Variants in PLEKHA5 observed in about 807,000 individuals in gnomAD.
The protein encoded by PLEKHA5 is pleckstrin homology domain-containing family A member 5.
Under a neutral mutation model 181.9 loss-of-function variants are expected in PLEKHA5, and 55 were observed. The observed-to-expected ratio is 0.30, with a 90% CI of 0.24 to 0.38. PLEKHA5 has a LOEUF of 0.38. Among genes scored for constraint, PLEKHA5 ranks in the 10% least tolerant of loss-of-function variants. The probability of loss-of-function intolerance (pLI) is 1.00; values close to 1 mark genes in which losing one functional copy is unlikely to be tolerated. For synonymous variants in PLEKHA5, 535 were observed against 529.4 expected, an observed-to-expected ratio of 1.01 and a Z score of -0.15; for missense variants, 1,432 against 1,549.5, an observed-to-expected ratio of 0.92 and a Z score of 1.27.
intron 8 of PLEKHA5, 92 bp downstream of exon 8, chr12:19,265,942 T>C: frequency 1.7e-6 from 1 of 571,756 alleles, no homozygotes; most frequent in Non-Finnish European, 3.1e-6. Context: ...AAAAGCTACC[T>C]TATAGTGATT....
At chr12:19,292,925 C>T (rs1024675764) in intron 15 of PLEKHA5, among the ~76,000 whole-genome samples, 7 of 151,858 alleles carry the variant, frequency 4.6e-5, no homozygotes, top group Non-Finnish European at 7.4e-5. Context: ...GGTAACAGAG[C>T]GAGACTCTAT....
intron 8 of PLEKHA5, 70 bp from the exon 9 acceptor site, chr12:19,269,696 CACTT>C (rs2071977347): frequency 1.5e-6 from 1 of 679,032 alleles, no homozygotes; most frequent in East Asian, 2.8e-5. Flanking sequence ...TGTCAGGAAT[CACTT>C]ACCTTTTTTT....
intron 20 of PLEKHA5, among the ~76,000 whole-genome samples, chr12:19,325,464 C>T (rs950768492): frequency 1.3e-5 from 2 of 151,648 alleles, no homozygotes; most frequent in South Asian, 2.1e-4. Context: ...CCGAGACGGG[C>T]GGATCACAAG....
rs549167702 is a variant in PLEKHA5 at position 19,228,594 on chromosome 12, G to A, written c.228-25346G>A. On this transcript the variant is annotated intron_variant, in intron 3 of 31. Coordinates refer to ENST00000429027, the MANE Select transcript of PLEKHA5 (RefSeq NM_001256470.2). Reference sequence around the variant, plus strand: ...ATGTTATTAGACCCATTCTAGAGATGAAGGAAGAACTGAGGCACAGAGACG... The same window carrying A: ...ATGTTATTAGACCCATTCTAGAGATAAAGGAAGAACTGAGGCACAGAGACG... Among the ~76,000 whole-genome samples the A allele has an allele frequency of 3.9e-5, 6 of 152,284 alleles. No homozygotes were observed. In the East Asian group the frequency reaches 1.2e-3, roughly 29 times the overall value.
rs2053863443 is a variant in PLEKHA5, at chr12:19,200,179, C to A, written c.228-53761C>A. The stretch of plus-strand genomic sequence containing the variant: ...ATGATTAGTACTTGAGGTGATGGAT[C>A]CCCTCAAATAACCTAACTTGATCAT... On this transcript the variant is annotated intron_variant, in intron 3 of 31. Transcript: ENST00000429027. 1.4e-5 allele frequency: 8 copies of A among 573,342 alleles called. No individual in the cohort carries two copies. The East Asian group carries it at 2.0e-4, about 14-fold the overall frequency. 35.5% of individuals were successfully genotyped at this position (573,342 alleles called of 1,614,324 possible).
At chr12:19,241,602 C>G (rs1452744028) in intron 3 of PLEKHA5, among the ~76,000 whole-genome samples, 1 of 151,942 alleles carries the variant, frequency 6.6e-6, no homozygotes, top group Non-Finnish European at 1.5e-5. Context: ...ACTAAAAATA[C>G]ACAGATTAGC....
intron 3 of PLEKHA5, among the ~76,000 whole-genome samples, chr12:19,173,269 C>T (rs1002786994): frequency 4.6e-5 from 7 of 150,792 alleles, no homozygotes; most frequent in African/African-American, 9.7e-5. Context: ...ATGATCCACC[C>T]GCCTCGGCCT....
chr12:19,358,199 G>C (rs1329341935), intron 26 of PLEKHA5, 29 bp from the exon 27 acceptor site: 1 of 1,442,198 alleles, frequency 6.9e-7, no homozygotes, highest in Admixed American at 1.7e-5. Flanking sequence ...TTTCATTTAT[G>C]TATTGATATG....
chr12:19,316,389 G>C (rs1192663628), intron 16 of PLEKHA5, among the ~76,000 whole-genome samples: 2 of 151,826 alleles, frequency 1.3e-5, no homozygotes, highest in African/African-American at 2.4e-5. Context: ...TTCTAATTGG[G>C]GTTTTCCCAA....
chr12:19,141,855 G>C (rs1269170682), intron 3 of PLEKHA5, among the ~76,000 whole-genome samples: 1 of 152,188 alleles, frequency 6.6e-6, no homozygotes, highest in Non-Finnish European at 1.5e-5. Flanking sequence ...CACTTGAAGA[G>C]TAATTCCCAA....
At chr12:19,156,712 T>C (rs1156837841) in intron 3 of PLEKHA5, among the ~76,000 whole-genome samples, 2 of 151,848 alleles carry the variant, frequency 1.3e-5, no homozygotes, top group African/African-American at 4.8e-5. Context: ...TGCATGCATT[T>C]AGGTTAAGCA....
chr12:19,182,333 G>C (rs1214977116), intron 3 of PLEKHA5, among the ~76,000 whole-genome samples: 1 of 151,992 alleles, frequency 6.6e-6, no homozygotes, highest in Admixed American at 6.6e-5. Flanking sequence ...TGGCATTTTT[G>C]ATGTTTTGAT....
chr12:19,153,502 C>T (rs182781549), intron 3 of PLEKHA5: 3 of 152,022 alleles, frequency 2.0e-5, no homozygotes, highest in African/African-American at 7.2e-5. Flanking sequence ...GTATAAAGTT[C>T]TCTGTTACGC....
intron 15 of PLEKHA5, among the ~76,000 whole-genome samples, chr12:19,294,152 A>G (rs1336463745): frequency 6.6e-6 from 1 of 152,192 alleles, no homozygotes; most frequent in African/African-American, 2.4e-5. Context: ...AGCATATGAA[A>G]ACATGGTGGA....
chr12:19,153,417 A>G (rs1369612441), intron 3 of PLEKHA5: 1 of 151,966 alleles, frequency 6.6e-6, no homozygotes, highest in Non-Finnish European at 1.5e-5. Context: ...GTCATGAAGT[A>G]CTCTTTTTTC....
chr12:19,149,609 C>G (rs1044824004), intron 3 of PLEKHA5: 2 of 152,122 alleles, frequency 1.3e-5, no homozygotes, highest in African/African-American at 4.8e-5. Flanking sequence ...CAGTTTCTCC[C>G]GTTTGTTTCT....
chr12:19,302,503 C>A (rs900677093), intron 15 of PLEKHA5, among the ~76,000 whole-genome samples: 1 of 152,212 alleles, frequency 6.6e-6, no homozygotes, highest in Admixed American at 6.5e-5. Flanking sequence ...TCAAGTGATT[C>A]TCCTGACTCA....
Position 19,336,548 on chromosome 12 carries a change from T to A in PLEKHA5, c.2482T>A (p.Leu828Ile). The A allele has an allele frequency of 6.2e-7, 1 of 1,608,620 alleles. No homozygotes were observed. Among genetic ancestry groups the A allele is most frequent in the Non-Finnish European group, 8.5e-7 (1 of 1,175,908 alleles). The change falls in exon 21 of 32, where the codon TTA (leucine) becomes ATA (isoleucine). Residue 828 changes from leucine to isoleucine, a missense_variant. Leu to Ile is a conservative substitution (Grantham distance 5, BLOSUM62 2). Coordinates refer to ENST00000429027, the MANE Select transcript of PLEKHA5 (RefSeq NM_001256470.2). ...LERAWREYDK[L>I]EYDVTVTRNQ... ...ACGAGCATGGAGAGAATATGATAAG[T>A]TAGAATACGATGTAACTGTTACCAG...
chr12:19,330,718 G>A (rs565249750), intron 20 of PLEKHA5, among the ~76,000 whole-genome samples: 15 of 152,212 alleles, frequency 9.9e-5, no homozygotes, highest in African/African-American at 3.6e-4. Context: ...AAAATCAACT[G>A]CTTCTAATAC....
Sources: gnomAD v4.1 joint callset for allele counts (sites outside exome capture counted in the v4.1 genomes callset) on GRCh38, gnomAD v4.1.1 for gene constraint, MANE v1.5 for transcripts, NCBI Gene and HGNC (gene_info 2026-07-23, HGNC 2026-07-21) for gene names.